The following KIAA1586 variants were observed in gnomAD, a reference collection of about 807,000 sequenced individuals.
The protein encoded by KIAA1586 is KIAA1586, also known as E3 SUMO-protein ligase KIAA1586.
Under a neutral mutation model 6.1 loss-of-function variants are expected in KIAA1586, and 5 were observed. That is an observed-to-expected ratio of 0.82 (90% confidence interval 0.43 to 1.73). KIAA1586 has a LOEUF of 1.73. KIAA1586 is among the 40% of genes most tolerant of loss of function. KIAA1586 has a pLI of 0.02. For missense variants in KIAA1586, 899 were observed against 878.2 expected, an observed-to-expected ratio of 1.02 and a Z score of -0.30; for synonymous variants, 280 against 301.7, an observed-to-expected ratio of 0.93 and a Z score of 0.75.
chr6:57,053,491 T>C lies in KIAA1586; in HGVS notation c.992T>C (p.Val331Ala), dbSNP rs1428148836. The C allele has an allele frequency of 6.2e-7, 1 of 1,613,588 alleles. No individual in the cohort carries two copies. Among genetic ancestry groups the C allele is most frequent in the South Asian group, 1.1e-5 (1 of 91,056 alleles). The stretch of plus-strand genomic sequence containing the variant: ...ACAGTTTCAAAGAAAACCACCCTAG[T>C]GATTTATCTCCAGTGCACAATTCAG... Reference protein sequence around the residue: ...ASTVSKKTTLVIYLQCTIQSA... With the variant: ...ASTVSKKTTLAIYLQCTIQSA... Residue 331 changes from valine (V) to alanine (A), a missense_variant, in exon 4 of 4, where the codon GTG becomes GCG. Val to Ala is a moderately conservative substitution (Grantham distance 64). Coordinates refer to ENST00000370733, the MANE Select transcript of KIAA1586 (RefSeq NM_020931.4).
downstream of KIAA1586, among the ~76,000 whole-genome samples, chr6:57,056,958 G>A (rs576580625): frequency 6.6e-6 from 1 of 152,132 alleles, no homozygotes; most frequent in Non-Finnish European, 1.5e-5. Flanking sequence ...GCTGGGTGCT[G>A]TGGCTCATGC....
chr6:57,054,297 G>C lies in KIAA1586; in HGVS notation c.1798G>C (p.Ala600Pro). 6.3e-7 allele frequency: 1 copy of C among 1,580,098 alleles called. No individual in the cohort carries two copies. The highest frequency in any genetic ancestry group is 8.6e-7 in the Non-Finnish European group (1 of 1,166,190). Residue 600 changes from alanine to proline, a missense_variant, in exon 4 of 4, where the codon GCT (alanine) becomes CCT (proline). Ala to Pro is a conservative substitution (Grantham distance 27, BLOSUM62 -1). Transcript: ENST00000370733. The part of the protein sequence containing the change: ...IPFNKNNKFN[A>P]LPRSILLDNI... ...ATTTAATAAAAACAATAAATTTAATGCTCTTCCTAGGAGTATATTACTAGA... is the reference window on the plus strand; with the variant it reads ...ATTTAATAAAAACAATAAATTTAATCCTCTTCCTAGGAGTATATTACTAGA...
In KIAA1586 at chr6:57,054,058, T is replaced by A; in HGVS notation, c.1559T>A (p.Ile520Asn). Residue 520 changes from isoleucine (I) to asparagine (N), a missense_variant, in exon 4 of 4, where the codon ATT becomes AAT. Ile to Asn is a moderately radical substitution (Grantham distance 149). Coordinates refer to ENST00000370733, the MANE Select transcript of KIAA1586 (RefSeq NM_020931.4). ...GGTTTGGCGAAGAGATTAGCTAACA[T>A]TAATTTCTTACAAGACCTTGCTTTA... ...YSGLAKRLAN[I>N]NFLQDLALMI... The A allele has an allele frequency of 6.2e-7, 1 of 1,610,722 alleles. No homozygotes were observed. The highest frequency in any genetic ancestry group is 2.2e-5 in the East Asian group (1 of 44,822).
downstream of KIAA1586, among the ~76,000 whole-genome samples, chr6:57,059,331 G>A (rs570892568): frequency 7.9e-5 from 12 of 152,224 alleles, no homozygotes; most frequent in South Asian, 2.3e-3. Context: ...ACTGGCTCAT[G>A]CCTGTAATCC....
rs984646884 is a variant in KIAA1586, at chr6:57,055,000, A to T, written c.*137A>T. 1.8e-5 allele frequency: 19 copies of T among 1,028,562 alleles called. No homozygotes were observed. The highest frequency in any genetic ancestry group is 2.3e-5 in the Non-Finnish European group (17 of 737,532). 63.7% of individuals were successfully genotyped at this position (1,028,562 alleles called of 1,614,324 possible). A position where few individuals can be genotyped will look rare whatever the true frequency, so the allele number is the denominator to read the frequency against. ...TGTTTAAAAGGCGTTCTTTAAGAAG[A>T]TAATCTTGAAGATTGGTTTTAGAAG... is the stretch of plus-strand genomic sequence containing the variant. On this transcript the variant is annotated 3_prime_UTR_variant, in exon 4 of 4. Coordinates refer to ENST00000370733, the MANE Select transcript of KIAA1586 (RefSeq NM_020931.4).
the KIAA1586 span, among the ~76,000 whole-genome samples, chr6:57,065,767 T>C: frequency 5.9e-5 from 9 of 152,328 alleles, no homozygotes; most frequent in Admixed American, 2.0e-4. Context: ...AATACCTGTA[T>C]TCTTCAATTC....
the KIAA1586 span, among the ~76,000 whole-genome samples, chr6:57,065,763 T>A: frequency 6.6e-6 from 1 of 152,210 alleles, no homozygotes; most frequent in South Asian, 2.1e-4. Context: ...ACTGAATACC[T>A]GTATTCTTCA....
At position 57,053,786 on chromosome 6, in the gene KIAA1586, T is replaced by G; in HGVS notation, c.1287T>G (p.Asp429Glu). 2 of 1,559,518 alleles carry G rather than the reference T, an allele frequency of 1.3e-6. No homozygotes were observed. Among genetic ancestry groups the G allele is most frequent in the Non-Finnish European group, 1.7e-6 (2 of 1,151,016 alleles). ...LNHRLQLSLD[D>E]SISEIKQINH... ...ATCGATTACAATTGTCACTTGATGA[T>G]TCTATATCCGAAATAAAACAAATTA... Residue 429 changes from aspartate (D) to glutamate (E), a missense_variant, in exon 4 of 4, where the codon GAT (aspartate) becomes GAG (glutamate). By Grantham distance (45) the Asp-to-Glu change is conservative. Coordinates refer to ENST00000370733, the MANE Select transcript of KIAA1586 (RefSeq NM_020931.4).
chr6:57,050,571 C>T (rs963461717), intron 2 of KIAA1586, among the ~76,000 whole-genome samples: 5 of 151,932 alleles, frequency 3.3e-5, no homozygotes, highest in African/African-American at 9.7e-5. Flanking sequence ...CTGTCTTGGC[C>T]TCCCAGTGTG....
the KIAA1586 span, among the ~76,000 whole-genome samples, chr6:57,066,761 C>T: frequency 6.6e-6 from 1 of 152,104 alleles, no homozygotes; most frequent in African/African-American, 2.4e-5. Flanking sequence ...TGGAGTCTTT[C>T]AGCCTTTCTG....
chr6:57,053,486 C>G lies in KIAA1586; in HGVS notation c.987C>G (p.Thr329=). 5.0e-6 allele frequency: 8 copies of G among 1,613,252 alleles called. No individual in the cohort carries two copies. Among genetic ancestry groups the G allele is most frequent in the Non-Finnish European group, 6.8e-6 (8 of 1,179,662 alleles). Residue 329 remains threonine, a synonymous_variant, in exon 4 of 4, where the codon ACC becomes ACG. Coordinates refer to ENST00000370733, the MANE Select transcript of KIAA1586 (RefSeq NM_020931.4). ...DEASTVSKKT[T]LVIYLQCTIQ... is the part of the protein sequence containing the mutation. ...CATCTACAGTTTCAAAGAAAACCAC[C>G]CTAGTGATTTATCTCCAGTGCACAA...
chr6:57,046,991 T>C (rs1593046036), intron 1 of KIAA1586: 1 of 629,174 alleles, frequency 1.6e-6, no homozygotes, highest in South Asian at 2.1e-5. Context: ...CTGGCGTTCG[T>C]TGTGGCCGCG....
chr6:57,066,066 C>T, the KIAA1586 span, among the ~76,000 whole-genome samples: 1 of 150,560 alleles, frequency 6.6e-6, no homozygotes, highest in South Asian at 2.1e-4. Context: ...CACTTGAGGT[C>T]AGGAGTTCAA....
the KIAA1586 span, among the ~76,000 whole-genome samples, chr6:57,061,483 T>C: frequency 6.6e-6 from 1 of 152,006 alleles, no homozygotes; most frequent in Non-Finnish European, 1.5e-5. Flanking sequence ...GCATTGAACT[T>C]CCAGACTTGG....
At chr6:57,052,408 A>G (rs908048677) in intron 3 of KIAA1586, among the ~76,000 whole-genome samples, 1 of 152,156 alleles carries the variant, frequency 6.6e-6, no homozygotes, top group Non-Finnish European at 1.5e-5. Flanking sequence ...CAAATAGCAT[A>G]CTCATTTGCG....
chr6:57,061,469 T>TGCA, the KIAA1586 span, among the ~76,000 whole-genome samples: 1 of 152,142 alleles, frequency 6.6e-6, no homozygotes, highest in Admixed American at 6.5e-5. Flanking sequence ...CATGGCTCAC[T>TGCA]GCAGCATTGA....
At chr6:57,063,749 T>C in the KIAA1586 span, among the ~76,000 whole-genome samples, 7 of 152,144 alleles carry the variant, frequency 4.6e-5, no homozygotes, top group African/African-American at 7.2e-5. Context: ...CCACTGTGCC[T>C]GGCAGATTAT....
At chr6:57,048,089 TG>T (rs1398020238) in intron 2 of KIAA1586, among the ~76,000 whole-genome samples, 4 of 151,256 alleles carry the variant, frequency 2.6e-5, no homozygotes, top group Non-Finnish European at 5.9e-5. Flanking sequence ...TTGGACAGAA[TG>T]GGTTTCTAAA....
intron 2 of KIAA1586, among the ~76,000 whole-genome samples, chr6:57,049,152 G>A (rs1288897517): frequency 1.3e-5 from 2 of 152,170 alleles, no homozygotes; most frequent in Non-Finnish European, 2.9e-5. Context: ...TGTAATTGCA[G>A]TACCAGAAAG....
Sources: allele counts gnomAD v4.1 joint callset (sites outside exome capture counted in the v4.1 genomes callset), GRCh38; gene constraint gnomAD v4.1.1; transcripts MANE v1.5; gene names NCBI Gene and HGNC (gene_info 2026-07-23, HGNC 2026-07-21).